NUP155: variants seen among roughly 807,000 people sequenced by gnomAD.
The protein encoded by NUP155 is nuclear pore complex protein Nup155.
In NUP155, 71 loss-of-function variants were observed where a neutral mutation model predicts 180.4. That is an observed-to-expected ratio of 0.39 (90% CI 0.33 to 0.48). The LOEUF (loss-of-function observed/expected upper bound fraction) is 0.48. Ranked by LOEUF, NUP155 falls within the 20% of genes least tolerant of loss-of-function variation. The pLI is 0.91. For missense variants in NUP155, 1,553 were observed against 1,648.9 expected (o/e 0.94, Z 1.01); for synonymous variants, 582 against 559.5 (o/e 1.04, Z -0.57).
At chr5:37,313,898 T>C (rs1743692713) in intron 22 of NUP155, among the ~76,000 whole-genome samples, 4 of 152,172 alleles carry the variant, frequency 2.6e-5, no homozygotes, top group African/African-American at 9.7e-5. Flanking sequence ...TAGTGAGAGA[T>C]AGCTTTTATC....
intron 32 of NUP155, among the ~76,000 whole-genome samples, chr5:37,295,226 T>C (rs902298936): frequency 9.2e-5 from 14 of 152,250 alleles, no homozygotes; most frequent in Non-Finnish European, 1.5e-4. Flanking sequence ...TTCGTATTTT[T>C]TGGGTGGAGA....
chr5:37,342,674 T>C (rs755276789), intron 9 of NUP155, 28 bp from the exon 10 acceptor site: 3 of 1,328,606 alleles, frequency 2.3e-6, no homozygotes, highest in South Asian at 2.3e-5. Flanking sequence ...ATAAAGTGTA[T>C]TTTTAAAATG....
intron 4 of NUP155, among the ~76,000 whole-genome samples, chr5:37,353,340 T>C (rs373162520): frequency 1.0e-3 from 152 of 152,172 alleles, no homozygotes; most frequent in African/African-American, 3.4e-3. Context: ...TGTAATCCCA[T>C]GGGAGGCTGA....
intron 9 of NUP155, among the ~76,000 whole-genome samples, chr5:37,346,725 G>C (rs1454616794): frequency 1.3e-5 from 2 of 152,034 alleles, no homozygotes; most frequent in Non-Finnish European, 2.9e-5. Context: ...AAGGTAGTTG[G>C]GATATGTGCA....
intron 28 of NUP155, 142 bp downstream of exon 28, chr5:37,303,116 TTA>T: frequency 9.9e-7 from 1 of 1,006,050 alleles, no homozygotes; most frequent in Non-Finnish European, 1.5e-6. Context: ...AGAAATACAT[TTA>T]TGACTAAAAA....
At chr5:37,357,585 T>C (rs1243934841) in intron 4 of NUP155, among the ~76,000 whole-genome samples, 1 of 152,190 alleles carries the variant, frequency 6.6e-6, no homozygotes, top group Non-Finnish European at 1.5e-5. Flanking sequence ...TTAACATTTT[T>C]AAAGGCAGTG....
chr5:37,346,219 A>G (rs1746074010), intron 9 of NUP155, among the ~76,000 whole-genome samples: 1 of 152,132 alleles, frequency 6.6e-6, no homozygotes, highest in African/African-American at 2.4e-5. Context: ...TTGAGGCTAT[A>G]GCAGACTACA....
chr5:37,344,403 T>C (rs1745941734), intron 9 of NUP155, among the ~76,000 whole-genome samples: 1 of 145,394 alleles, frequency 6.9e-6, no homozygotes, highest in Non-Finnish European at 1.5e-5. Context: ...AAACATCATA[T>C]ATAAAATATA....
chr5:37,347,530 C>T (rs1384566172), intron 9 of NUP155, among the ~76,000 whole-genome samples: 1 of 150,786 alleles, frequency 6.6e-6, no homozygotes, highest in Non-Finnish European at 1.5e-5. Flanking sequence ...AACCCCATCT[C>T]TACTAAAAAT....
chr5:37,351,390 A>G, intron 5 of NUP155, 34 bp from the exon 6 acceptor site: 1 of 1,429,784 alleles, frequency 7.0e-7, no homozygotes, highest in Non-Finnish European at 9.9e-7. Flanking sequence ...TCAGTTTATT[A>G]GCTACTCCAC....
Position 37,349,235 on chromosome 5 carries a change from A to C in NUP155, c.840T>G (p.Leu280=), listed in dbSNP as rs1746305017. The C allele has an allele frequency of 1.2e-6, 1 of 846,828 alleles. No homozygotes were observed. Among genetic ancestry groups the C allele is most frequent in the African/African-American group, 1.7e-5 (1 of 57,892 alleles). The allele number at this position is 846,828 out of a possible 1,614,324, so 52.5% of individuals were successfully genotyped here. ...QFTFSEDDPI[L]QIAIDNSRNI... ...TTCTAGAATTATCAATTGCAATTTG[A>C]AGAATAGGATCTAAAAGTAAGACAA... is the stretch of plus-strand genomic sequence containing the variant. Residue 280 remains leucine (L), a synonymous_variant, in exon 8 of 35, where the codon CTT becomes CTG. Transcript: ENST00000231498.
chr5:37,292,811 T>G, intron 34 of NUP155, 68 bp downstream of exon 34: 1 of 972,164 alleles, frequency 1.0e-6, no homozygotes, highest in South Asian at 1.3e-5. Context: ...CTCTTCAAAT[T>G]TTTTACCCAG....
rs527568560 is a variant in NUP155, at chr5:37,345,050, G to A, written c.996-2404C>T. Among the ~76,000 whole-genome samples the A allele has an allele frequency of 3.3e-4, 50 of 150,304 alleles. No homozygotes were observed. The South Asian group carries it at 0.01, about 31-fold the overall frequency. On this transcript the variant is annotated intron_variant, in intron 9 of 34. Coordinates refer to ENST00000231498, the MANE Select transcript of NUP155 (RefSeq NM_153485.3). ...ATACAAAAATTAGCCAGGTGGAGGT[G>A]TCCGTGCCTGTGGTCCCAGCTGCTT...
At position 37,330,034 on chromosome 5, in the gene NUP155, ATACCTAAAG is replaced by A; in HGVS notation, c.1719_1724+3del. On this transcript the variant is annotated splice_donor_variant and splice_donor_region_variant and coding_sequence_variant and intron_variant, in exon 15 of 35. Transcript: ENST00000231498. LOFTEE classifies it high-confidence loss of function. ...ATAAATAAACAAGAAAAACTTTCAC[ATACCTAAAG>A]AAAGCCCGAGTAGCCCAGGCAGATA... 6.2e-7 allele frequency: 1 copy of A among 1,605,552 alleles called. No individual in the cohort carries two copies. Among genetic ancestry groups the A allele is most frequent in the Non-Finnish European group, 8.5e-7 (1 of 1,172,620 alleles).
At chr5:37,358,273 G>A in intron 3 of NUP155, 122 bp from the exon 4 acceptor site, 1 of 736,640 alleles carries the variant, frequency 1.4e-6, no homozygotes, top group Non-Finnish European at 2.5e-6. Context: ...GAGCCCAGAA[G>A]TTCAAGACCA....
intron 5 of NUP155, 90 bp from the exon 6 acceptor site, chr5:37,351,446 T>A: frequency 3.1e-6 from 3 of 967,980 alleles, no homozygotes; most frequent in African/African-American, 1.6e-5. Context: ...ATATGTTTAC[T>A]CAATTCTTTT....
intron 12 of NUP155, among the ~76,000 whole-genome samples, chr5:37,336,334 G>T (rs935852516): frequency 2.0e-5 from 3 of 151,926 alleles, no homozygotes; most frequent in Non-Finnish European, 2.9e-5. Flanking sequence ...TTTAAAAATC[G>T]GCTGTACGTG....
At position 37,302,773 on chromosome 5, in the gene NUP155, A is replaced by G. The variant is rs531524075; in HGVS notation, c.3447+6T>C. 6.2e-7 allele frequency: 1 copy of G among 1,613,984 alleles called. No individual in the cohort carries two copies. The highest frequency in any genetic ancestry group is 1.3e-5 in the African/African-American group (1 of 75,046). Reference sequence around the variant, plus strand: ...GTGGACACAGCTTAAGATCTTTAGCACTTACCTCCATTTTTTCTTCTAATT... The same window carrying G: ...GTGGACACAGCTTAAGATCTTTAGCGCTTACCTCCATTTTTTCTTCTAATT... On this transcript the variant is annotated splice_donor_region_variant and intron_variant, in intron 29 of 34. Coordinates refer to ENST00000231498, the MANE Select transcript of NUP155 (RefSeq NM_153485.3).
At position 37,350,777 on chromosome 5, in the gene NUP155, T is replaced by C. The variant is rs554370396; in HGVS notation, c.723+413A>G. On this transcript the variant is annotated intron_variant, in intron 6 of 34. Transcript: ENST00000231498. ...AAGATTCAGCCACTGCATTCCAGCC[T>C]GGGTGATAGACCTGGGTGATACAGT... Among the ~76,000 whole-genome samples, 7 of 144,326 alleles carry C rather than the reference T, an allele frequency of 4.9e-5. 1 individual carries two copies. The South Asian group carries it at 1.5e-3, about 31-fold the overall frequency. 94.7% of individuals were successfully genotyped at this position (144,326 alleles called of 152,430 possible).
Sources: gnomAD v4.1 joint callset for allele counts (sites outside exome capture counted in the v4.1 genomes callset) on GRCh38, gnomAD v4.1.1 for gene constraint, MANE v1.5 for transcripts, NCBI Gene and HGNC (gene_info 2026-07-23, HGNC 2026-07-21) for gene names.